Variants in CREBBP observed in about 807,000 individuals in gnomAD.
The protein encoded by CREBBP is CREB binding lysine acetyltransferase, also known as CREB-binding protein.
Under a neutral mutation model 265.0 loss-of-function variants are expected in CREBBP, and 19 were observed. That is an observed-to-expected ratio of 0.07 (90% CI 0.05 to 0.11). The LOEUF (loss-of-function observed/expected upper bound fraction) is 0.11. Ranked by LOEUF, CREBBP falls within the 10% of genes least tolerant of loss-of-function variation. The probability of loss-of-function intolerance (pLI) is 1.00; values close to 1 mark genes in which losing one functional copy is unlikely to be tolerated. For synonymous variants in CREBBP, 1,457 were observed against 1,223.7 expected, an observed-to-expected ratio of 1.19 and a Z score of -3.98; for missense variants, 2,525 against 3,219.0, an observed-to-expected ratio of 0.78 and a Z score of 5.22.
intron 28 of CREBBP, among the ~76,000 whole-genome samples, chr16:3,734,659 A>C (rs992540063): frequency 2.6e-5 from 4 of 152,186 alleles, no homozygotes; most frequent in Admixed American, 1.3e-4. Context: ...AGCTCTGCTT[A>C]GGAGCCACCT....
At chr16:3,735,974 G>C (rs2151327422) in intron 28 of CREBBP, 62 bp downstream of exon 28, 1 of 1,613,790 alleles carries the variant, frequency 6.2e-7, no homozygotes, top group Non-Finnish European at 8.5e-7. Flanking sequence ...GCGCCTCCCA[G>C]CCTGCCACCC....
rs528611356 is a variant in CREBBP at position 3,744,460 on chromosome 16, T to C, written c.3982+434A>G. ...CACATCTAACCTTTCATCTAAAACA[T>C]GCGCTGATCATAAATGCTGACTTTC... On this transcript the variant is annotated intron_variant, in intron 23 of 30. Transcript: ENST00000262367. Among the ~76,000 whole-genome samples, 10 of 152,354 alleles carry C rather than the reference T, an allele frequency of 6.6e-5. No homozygotes were observed. The East Asian group carries it at 1.9e-3, about 29-fold the overall frequency.
intron 14 of CREBBP, 115 bp downstream of exon 14, chr16:3,770,455 C>T (rs1032437610): frequency 2.5e-6 from 3 of 1,206,126 alleles, no homozygotes; most frequent in African/African-American, 3.0e-5. Context: ...CTTGGCCTCC[C>T]AAGGTGCTGA....
intron 21 of CREBBP, among the ~76,000 whole-genome samples, chr16:3,745,989 T>C (rs1446005052): frequency 1.3e-5 from 2 of 152,216 alleles, no homozygotes; most frequent in African/African-American, 4.8e-5. Flanking sequence ...CACACTGTTC[T>C]ACGGCAGCCC....
At chr16:3,751,587 T>A in intron 20 of CREBBP, 139 bp downstream of exon 20, 1 of 809,280 alleles carries the variant, frequency 1.2e-6, no homozygotes, top group East Asian at 2.7e-5. Context: ...TGAGAACCTG[T>A]CTCAAAAACA....
At chr16:3,734,806 G>A (rs964357979) in intron 28 of CREBBP, among the ~76,000 whole-genome samples, 3 of 152,108 alleles carry the variant, frequency 2.0e-5, no homozygotes, top group African/African-American at 7.2e-5. Context: ...AGCGGCCCAG[G>A]CCCCACGCTC....
chr16:3,746,012 C>T (rs2052333392), intron 21 of CREBBP, among the ~76,000 whole-genome samples: 1 of 152,230 alleles, frequency 6.6e-6, no homozygotes, highest in African/African-American at 2.4e-5. Flanking sequence ...AACCACGGCC[C>T]ACCAGGGCTC....
At chr16:3,788,749 C>T (rs967964379) in intron 5 of CREBBP, among the ~76,000 whole-genome samples, 13 of 152,200 alleles carry the variant, frequency 8.5e-5, no homozygotes, top group African/African-American at 2.4e-4. Context: ...CTCAGGAGTT[C>T]GAGACAAGCC....
intron 1 of CREBBP, among the ~76,000 whole-genome samples, chr16:3,871,334 C>G (rs2055295777): frequency 6.6e-6 from 1 of 152,172 alleles, no homozygotes. Flanking sequence ...GGAGCCAGGG[C>G]TCCCTCCTCA....
chr16:3,801,002 C>T (rs1209578141), intron 3 of CREBBP, among the ~76,000 whole-genome samples: 1 of 152,212 alleles, frequency 6.6e-6, no homozygotes, highest in East Asian at 1.9e-4. Flanking sequence ...TCACTCTGTG[C>T]CAGGCTCTGT....
intron 19 of CREBBP, among the ~76,000 whole-genome samples, chr16:3,752,455 G>GC (rs1370630098): frequency 7.1e-6 from 1 of 140,154 alleles, no homozygotes; most frequent in Non-Finnish European, 1.6e-5. Flanking sequence ...ATTTTTTCCT[G>GC]TTTTTTTTTT....
chr16:3,733,038 G>C (rs2051958629), intron 28 of CREBBP, among the ~76,000 whole-genome samples: 1 of 152,020 alleles, frequency 6.6e-6, no homozygotes, highest in African/African-American at 2.4e-5. Context: ...GAGACTCTTG[G>C]TGTTCAAAGA....
At chr16:3,828,396 C>T (rs901387996) in intron 2 of CREBBP, among the ~76,000 whole-genome samples, 1 of 152,220 alleles carries the variant, frequency 6.6e-6, no homozygotes, top group East Asian at 1.9e-4. Context: ...CCGTCGAAAG[C>T]TGACTTCTTT....
rs556288302 is a variant in CREBBP, at chr16:3,812,181, T to C, written c.799-1402A>G. Among the ~76,000 whole-genome samples, 7 of 152,166 alleles carry C rather than the reference T, an allele frequency of 4.6e-5. No individual in the cohort carries two copies. In the South Asian group the frequency reaches 1.5e-3, roughly 32 times the overall value. ...CCACTGTACAGGTGTAAAATTTATG[T>C]ATTTATTTATATTTTTTGAGAGTGT... On this transcript the variant is annotated intron_variant, in intron 2 of 30. Transcript: ENST00000262367.
In CREBBP at chr16:3,731,145, T is replaced by C; in HGVS notation, c.5172+47A>G. On this transcript the variant is annotated intron_variant, in intron 30 of 30. Coordinates refer to ENST00000262367, the MANE Select transcript of CREBBP (RefSeq NM_004380.3). This position sits in a 1 kb window ranked among gnomAD's most constrained non-coding sequence, Gnocchi z 7.7. ...CCATGCAAAGGGACAGGATGCTTCG[T>C]CAGACCCCAGGCCGGCTGTGGGGGT... The C allele has an allele frequency of 1.3e-6, 2 of 1,589,090 alleles. No individual in the cohort carries two copies. The highest frequency in any genetic ancestry group is 4.5e-5 in the East Asian group (2 of 44,514).
At chr16:3,744,345 C>T (rs577271673) in intron 23 of CREBBP, among the ~76,000 whole-genome samples, 2 of 152,356 alleles carry the variant, frequency 1.3e-5, no homozygotes, top group Admixed American at 6.5e-5. Flanking sequence ...TTACACCACA[C>T]ATGCACGCAC....
At chr16:3,750,106 C>T (rs1002163599) in intron 20 of CREBBP, among the ~76,000 whole-genome samples, 2 of 152,092 alleles carry the variant, frequency 1.3e-5, no homozygotes, top group South Asian at 2.1e-4. Flanking sequence ...CAAGGCTGAA[C>T]TCAAACTCAC....
intron 13 of CREBBP, among the ~76,000 whole-genome samples, chr16:3,772,328 AACACACACACACACACACAC>A (rs34060381): frequency 6.9e-6 from 1 of 145,258 alleles, no homozygotes; most frequent in Non-Finnish European, 1.5e-5. Context: ...CTGAAACACA[AACACACACACACACACACAC>A]ACACACACAC....
At chr16:3,776,529 T>C (rs2053141762) in intron 11 of CREBBP, among the ~76,000 whole-genome samples, 1 of 152,124 alleles carries the variant, frequency 6.6e-6, no homozygotes, top group South Asian at 2.1e-4. Flanking sequence ...CAGCTGGGCT[T>C]AACCCCTAGG....
Sources: allele counts gnomAD v4.1 joint callset (sites outside exome capture counted in the v4.1 genomes callset), GRCh38; gene constraint gnomAD v4.1.1; non-coding constraint Gnocchi (gnomAD v3.1); transcripts MANE v1.5; gene names NCBI Gene and HGNC (gene_info 2026-07-23, HGNC 2026-07-21).